The following GPRIN2 variants were observed in gnomAD, a reference collection of about 807,000 sequenced individuals.
GPRIN2 encodes G protein-regulated inducer of neurite outgrowth 2.
A neutral mutation model predicts 0.3 loss-of-function variants in GPRIN2; 1 was observed. That is an observed-to-expected ratio of 3.90 (90% CI 1.39 to 18.51). The LOEUF is 18.51. Among genes scored for constraint, GPRIN2 ranks in the 30% most tolerant of loss-of-function variants. The probability of loss-of-function intolerance (pLI) is 0.11; values close to 1 mark genes in which losing one functional copy is unlikely to be tolerated. For missense variants in GPRIN2, 880 were observed against 604.2 expected (o/e 1.46, Z -4.79); for synonymous variants, 361 against 258.6 (o/e 1.40, Z -3.80).
At chr10:46,552,642 C>T (rs1842742734) in intron 2 of GPRIN2, among the ~76,000 whole-genome samples, 1 of 152,308 alleles carries the variant, frequency 6.6e-6, no homozygotes, top group African/African-American at 2.4e-5. Context: ...AAAGATTCTA[C>T]CCTGTGCTGT....
rs1005559691 is a variant in GPRIN2 at position 46,556,583 on chromosome 10, G to A, written c.-203C>T. On this transcript the variant is annotated 5_prime_UTR_variant, in exon 1 of 3. Coordinates refer to ENST00000374314, the MANE Select transcript of GPRIN2 (RefSeq NM_001385282.1). Reference sequence around the variant, plus strand: ...GCCAGGTGCCGCGGCCCAAGATGGAGCCAGAGCCGACCTGGCCTGGGCGCG... The same window carrying A: ...GCCAGGTGCCGCGGCCCAAGATGGAACCAGAGCCGACCTGGCCTGGGCGCG... Among the ~76,000 whole-genome samples the A allele has an allele frequency of 6.8e-4, 104 of 152,146 alleles. No individual in the cohort carries two copies. The highest frequency in any genetic ancestry group is 2.4e-3 in the African/African-American group (98 of 41,484).
rs1822543502 is a variant in GPRIN2, at chr10:46,548,539, C to T, written c.*821G>A. Among the ~76,000 whole-genome samples, 1 of 152,310 alleles carries T rather than the reference C, an allele frequency of 6.6e-6. No individual in the cohort carries two copies. The highest frequency in any genetic ancestry group is 2.4e-5 in the African/African-American group (1 of 41,488). On this transcript the variant is annotated 3_prime_UTR_variant, in exon 3 of 3. Transcript: ENST00000374314. ...CTCAGGCCAGCCTCTGACACAATGACCCTGGAAGCCTGGCAGCCCTCCGTA... is the reference window on the plus strand; with the variant it reads ...CTCAGGCCAGCCTCTGACACAATGATCCTGGAAGCCTGGCAGCCCTCCGTA...
At position 46,549,242 on chromosome 10, in the gene GPRIN2, C is replaced by A; in HGVS notation, c.*118G>T. Reference sequence around the variant, plus strand: ...CTGTGGTCTGGAGGCAGCCAATATTCAGGTGAGAGATGTGCCCAGCTGCCG... The same window carrying A: ...CTGTGGTCTGGAGGCAGCCAATATTAAGGTGAGAGATGTGCCCAGCTGCCG... On this transcript the variant is annotated 3_prime_UTR_variant, in exon 3 of 3. Coordinates refer to ENST00000374314, the MANE Select transcript of GPRIN2 (RefSeq NM_001385282.1). 1.5e-6 allele frequency: 2 copies of A among 1,308,242 alleles called. No homozygotes were observed. The highest frequency in any genetic ancestry group is 2.0e-6 in the Non-Finnish European group (2 of 991,322). The allele number at this position is 1,308,242 out of a possible 1,614,324, so 81.0% of individuals were successfully genotyped here. A position where few individuals can be genotyped will look rare whatever the true frequency, so the allele number is the denominator to read the frequency against.
chr10:46,543,504 C>T lies in GPRIN2; in HGVS notation c.*5856G>A, dbSNP rs2133150928. On this transcript the variant is annotated 3_prime_UTR_variant, in exon 3 of 3. Transcript: ENST00000374314. ...CCGACTGTCCTTGGCTGTGTGCACA[C>T]AGAGGTGCTGCAGTCCTGGGGCCAT... Among the ~76,000 whole-genome samples the T allele has an allele frequency of 6.6e-6, 1 of 152,428 alleles. No individual in the cohort carries two copies. Among genetic ancestry groups the T allele is most frequent in the East Asian group, 1.9e-4 (1 of 5,196 alleles).
chr10:46,545,963 C>G lies in GPRIN2; in HGVS notation c.*3397G>C, dbSNP rs1398076438. On this transcript the variant is annotated 3_prime_UTR_variant, in exon 3 of 3. Transcript: ENST00000374314. ...CAAACTCCAGCTTTAGCCCACTAAG[C>G]TACGGTGGCCAACCCCAGCCCAAAG... 6.6e-6 allele frequency among the ~76,000 whole-genome samples: 1 copy of G among 152,310 alleles called. No individual in the cohort carries two copies. Among genetic ancestry groups the G allele is most frequent in the African/African-American group, 2.4e-5 (1 of 41,488 alleles).
chr10:46,544,357 T>C lies in GPRIN2; in HGVS notation c.*5003A>G, dbSNP rs1415406660. Among the ~76,000 whole-genome samples, 1 of 152,310 alleles carries C rather than the reference T, an allele frequency of 6.6e-6. No individual in the cohort carries two copies. Among genetic ancestry groups the C allele is most frequent in the Non-Finnish European group, 1.5e-5 (1 of 68,056 alleles). ...TTCTTTTTTTGAAACAGGGTCTGGC[T>C]CCGTCATCCAGGCTGGAGCACAGTG... On this transcript the variant is annotated 3_prime_UTR_variant, in exon 3 of 3. Transcript: ENST00000374314.
chr10:46,550,793 T>C, intron 2 of GPRIN2, 51 bp from the exon 3 acceptor site: 2 of 1,476,532 alleles, frequency 1.4e-6, no homozygotes, highest in Non-Finnish European at 1.8e-6. Context: ...TGGCAGCACC[T>C]AAGCCGATTC....
rs1832983712 is a variant in GPRIN2 at position 46,544,544 on chromosome 10, G to A, written c.*4816C>T. Among the ~76,000 whole-genome samples, 2 of 152,420 alleles carry A rather than the reference G, an allele frequency of 1.3e-5. No homozygotes were observed. The highest frequency in any genetic ancestry group is 1.9e-4 in the East Asian group (1 of 5,196). On this transcript the variant is annotated 3_prime_UTR_variant, in exon 3 of 3. Transcript: ENST00000374314. The stretch of plus-strand genomic sequence containing the variant: ...TCTCCATGCTGCCCAAGCTGGTTTC[G>A]AACTCCTGAGCTCAAGCAGTCAGCC...
At chr10:46,551,515 C>A in intron 2 of GPRIN2, 1 of 985,216 alleles carries the variant, frequency 1.0e-6, no homozygotes, top group Non-Finnish European at 1.2e-6. Flanking sequence ...TCCTGAGCCC[C>A]TACTGCGTGC....
At position 46,543,388 on chromosome 10, in the gene GPRIN2, G is replaced by T. The variant is rs1049479139; in HGVS notation, c.*5972C>A. Among the ~76,000 whole-genome samples, 2 of 152,306 alleles carry T rather than the reference G, an allele frequency of 1.3e-5. No homozygotes were observed. The highest frequency in any genetic ancestry group is 1.3e-4 in the Admixed American group (2 of 15,292). On this transcript the variant is annotated 3_prime_UTR_variant, in exon 3 of 3. Coordinates refer to ENST00000374314, the MANE Select transcript of GPRIN2 (RefSeq NM_001385282.1). ...GAATAACCCAGAACAAAGAGAACATGAAACCACAAAAGAAGAACAGATTAA... is the reference window on the plus strand; with the variant it reads ...GAATAACCCAGAACAAAGAGAACATTAAACCACAAAAGAAGAACAGATTAA...
chr10:46,549,986 G>A lies in GPRIN2; in HGVS notation c.751C>T (p.Pro251Ser). The A allele has an allele frequency of 1.2e-6, 2 of 1,614,124 alleles. No individual in the cohort carries two copies. The highest frequency in any genetic ancestry group is 1.7e-6 in the Non-Finnish European group (2 of 1,179,988). ...VRAGGCCHAL[P>S]ATGILAFPKL... is the part of the protein sequence containing the mutation. ...GGAAAGGCCAGGATCCCTGTGGCAG[G>A]TAGGGCATGGCAGCAGCCACCAGCC... The change falls in exon 3 of 3, where the codon CCT becomes TCT. Residue 251 changes from proline to serine, a missense_variant. By Grantham distance (74) the Pro-to-Ser change is moderately conservative (BLOSUM62 -1). Coordinates refer to ENST00000374314, the MANE Select transcript of GPRIN2 (RefSeq NM_001385282.1).
rs1409943050 is a variant in GPRIN2, at chr10:46,546,697, C to T, written c.*2663G>A. On this transcript the variant is annotated 3_prime_UTR_variant, in exon 3 of 3. Transcript: ENST00000374314. Reference sequence around the variant, plus strand: ...AGGGCTGTTCCAGGAGAGGGCACAGCAAAGGGGGTTGGGAGGGGTCTCCAG... The same window carrying T: ...AGGGCTGTTCCAGGAGAGGGCACAGTAAAGGGGGTTGGGAGGGGTCTCCAG... 1.3e-5 allele frequency among the ~76,000 whole-genome samples: 2 copies of T among 152,308 alleles called. No homozygotes were observed. The highest frequency in any genetic ancestry group is 2.9e-5 in the Non-Finnish European group (2 of 68,058).
At position 46,550,104 on chromosome 10, in the gene GPRIN2, G is replaced by C. The variant is rs1469162913; in HGVS notation, c.633C>G (p.Ala211=). 1.2e-6 allele frequency: 2 copies of C among 1,612,206 alleles called. No individual in the cohort carries two copies. The highest frequency in any genetic ancestry group is 1.3e-5 in the African/African-American group (1 of 75,070). ...LGDTTAHSSS[A]QAEPKAAEQL... is the part of the protein sequence containing the mutation. The stretch of plus-strand genomic sequence containing the variant: ...GTTCAGCAGCTTTGGGCTCAGCCTG[G>C]GCACTGCTGCTGTGGGCAGTTGTGT... Residue 211 remains alanine (A), a synonymous_variant, in exon 3 of 3, where the codon GCC becomes GCG. Coordinates refer to ENST00000374314, the MANE Select transcript of GPRIN2 (RefSeq NM_001385282.1).
At position 46,546,042 on chromosome 10, in the gene GPRIN2, G is replaced by T. The variant is rs1842129114; in HGVS notation, c.*3318C>A. Among the ~76,000 whole-genome samples, 1 of 152,312 alleles carries T rather than the reference G, an allele frequency of 6.6e-6. No homozygotes were observed. The highest frequency in any genetic ancestry group is 1.5e-5 in the Non-Finnish European group (1 of 68,058). On this transcript the variant is annotated 3_prime_UTR_variant, in exon 3 of 3. Transcript: ENST00000374314. ...TCAGCCCTTGTAAAGTTAGGATCTA[G>T]CATGTCTAAGGGGACAGAGACCCAA...
At chr10:46,551,287 A>T (rs910297638) in intron 2 of GPRIN2, 2 of 633,080 alleles carry the variant, frequency 3.2e-6, no homozygotes, top group African/African-American at 4.0e-5. Context: ...GAGCTCAGAG[A>T]AAGTTCACAG....
rs28689656 is a variant in GPRIN2 at position 46,549,296 on chromosome 10, C to A, written c.*64G>T. Reference sequence around the variant, plus strand: ...GGTCCAGGGGGCACGGAGCCCCCACCGTCCCTGGCCCAGGTCTAGGACTAA... The same window carrying A: ...GGTCCAGGGGGCACGGAGCCCCCACAGTCCCTGGCCCAGGTCTAGGACTAA... On this transcript the variant is annotated 3_prime_UTR_variant, in exon 3 of 3. Coordinates refer to ENST00000374314, the MANE Select transcript of GPRIN2 (RefSeq NM_001385282.1). The A allele has an allele frequency of 9.0e-6, 13 of 1,438,130 alleles. No homozygotes were observed. The highest frequency in any genetic ancestry group is 1.0e-5 in the Non-Finnish European group (11 of 1,093,734). 89.1% of individuals were successfully genotyped at this position (1,438,130 alleles called of 1,614,324 possible). A position where few individuals can be genotyped will look rare whatever the true frequency, so the allele number is the denominator to read the frequency against.
upstream of GPRIN2, among the ~76,000 whole-genome samples, chr10:46,557,082 C>CCCCAT (rs1314596153): frequency 2.0e-5 from 3 of 151,510 alleles, no homozygotes; most frequent in African/African-American, 7.2e-5. Context: ...GGTCTCCGCG[C>CCCCAT]CGGCGGCTAC....
rs1842080952 is a variant in GPRIN2 at position 46,545,537 on chromosome 10, T to G, written c.*3823A>C. On this transcript the variant is annotated 3_prime_UTR_variant, in exon 3 of 3. Coordinates refer to ENST00000374314, the MANE Select transcript of GPRIN2 (RefSeq NM_001385282.1). ...CCAAGATGAGTGGTGAGGGCTAGGG[T>G]AGCCCTCCTCAATGCACTCTGGGAA... Among the ~76,000 whole-genome samples, 1 of 152,304 alleles carries G rather than the reference T, an allele frequency of 6.6e-6. No individual in the cohort carries two copies. Among genetic ancestry groups the G allele is most frequent in the African/African-American group, 2.4e-5 (1 of 41,488 alleles).
intron 2 of GPRIN2, 68 bp from the exon 3 acceptor site, chr10:46,550,810 G>C (rs1019055309): frequency 1.4e-6 from 2 of 1,466,420 alleles, no homozygotes; most frequent in African/African-American, 1.4e-5. Flanking sequence ...ATTCTACTAT[G>C]AACTCCCACA....
Sources: allele counts gnomAD v4.1 joint callset (sites outside exome capture counted in the v4.1 genomes callset), GRCh38; gene constraint gnomAD v4.1.1; transcripts MANE v1.5; gene names NCBI Gene and HGNC (gene_info 2026-07-23, HGNC 2026-07-21).